TPCN1: variants seen among roughly 807,000 people sequenced by gnomAD.
TPCN1 encodes two pore segment channel 1.
Under a neutral mutation model 108.8 loss-of-function variants are expected in TPCN1, and 52 were observed. The observed-to-expected ratio is 0.48, with a 90% CI of 0.38 to 0.60. The LOEUF (loss-of-function observed/expected upper bound fraction) is 0.60, where lower values mean the gene tolerates loss of function less well. Ranked by LOEUF, TPCN1 falls within the 20% of genes least tolerant of loss-of-function variation. The pLI is 0.00. For synonymous variants in TPCN1, 446 were observed against 433.7 expected (o/e 1.03, Z -0.35); for missense variants, 806 against 1,072.8 (o/e 0.75, Z 3.47).
chr12:113,277,447 G>C lies in TPCN1; in HGVS notation c.1184+83G>C, dbSNP rs140709873. 71 of 1,559,502 alleles carry C rather than the reference G, an allele frequency of 4.6e-5. No individual in the cohort carries two copies. The East Asian group carries it at 1.6e-3, about 36-fold the overall frequency. On this transcript the variant is annotated intron_variant, in intron 12 of 27. Transcript: ENST00000335509. ...TGAACGGGGGCATGTGAAGGCCCTT[G>C]AGGTGGGCAGGCCTATAGGCTTGTC...
intron 1 of TPCN1, chr12:113,225,290 C>T (rs1953428791): frequency 2.2e-6 from 1 of 450,746 alleles, no homozygotes; most frequent in Non-Finnish European, 4.5e-6. Context: ...AACTGCTAGG[C>T]TCAAGCAGTT....
rs7135901 is a variant in TPCN1 at position 113,268,157 on chromosome 12, T to G, written c.528+201T>G. On this transcript the variant is annotated intron_variant, in intron 5 of 27. Transcript: ENST00000335509. The surrounding 1 kb of genome is among the most constrained non-coding windows in gnomAD (Gnocchi z 7.3). Reference sequence around the variant, plus strand: ...TGATGCCAGCAGTAGCTAATGTGATTGGGTGTTTGGTACCTGCCAGGCACT... The same window carrying G: ...TGATGCCAGCAGTAGCTAATGTGATGGGGTGTTTGGTACCTGCCAGGCACT... Among the ~76,000 whole-genome samples the G allele has an allele frequency of 0.11, 16,557 of 152,206 alleles. 1,060 individuals carry two copies. The highest frequency in any genetic ancestry group is 0.21 in the East Asian group (1,064 of 5,160).
intron 2 of TPCN1, chr12:113,244,230 C>G (rs184562033): frequency 9.7e-6 from 8 of 827,078 alleles, no homozygotes; most frequent in Admixed American, 1.2e-4. Context: ...GGGCTTGACC[C>G]GTGGTACTGC....
At chr12:113,239,803 A>G (rs577613453) in intron 2 of TPCN1, among the ~76,000 whole-genome samples, 5 of 152,132 alleles carry the variant, frequency 3.3e-5, no homozygotes, top group African/African-American at 1.2e-4. Flanking sequence ...CCGCCCTACC[A>G]TTTGTAGACT....
At chr12:113,224,927 C>T (rs534621995) in intron 1 of TPCN1, among the ~76,000 whole-genome samples, 1 of 151,818 alleles carries the variant, frequency 6.6e-6, no homozygotes, top group South Asian at 2.1e-4. Flanking sequence ...ATTTTTGTAT[C>T]TTTAATAGAG....
rs1046455427 is a variant in TPCN1 at position 113,252,397 on chromosome 12, C to T, written c.113-7971C>T. Among the ~76,000 whole-genome samples the T allele has an allele frequency of 6.6e-5, 10 of 152,250 alleles. No homozygotes were observed. The East Asian group carries it at 7.7e-4, about 12-fold the overall frequency. ...CCAGACGTTGTCTCCCCACCAGGAACGGGCTGAGAGAGCCTCCTGAGCACA... is the reference window on the plus strand; with the variant it reads ...CCAGACGTTGTCTCCCCACCAGGAATGGGCTGAGAGAGCCTCCTGAGCACA... On this transcript the variant is annotated intron_variant, in intron 2 of 27. Transcript: ENST00000335509.
In TPCN1 at chr12:113,243,775, AAAAAT is replaced by A. The variant is rs1278291844; in HGVS notation, c.113-16583_113-16579del. 5.9e-5 allele frequency among the ~76,000 whole-genome samples: 8 copies of A among 135,006 alleles called. No individual in the cohort carries two copies. The East Asian group carries it at 8.7e-4, about 15-fold the overall frequency. The allele number at this position is 135,006 out of a possible 152,430, so 88.6% of individuals were successfully genotyped here. A position where few individuals can be genotyped will look rare whatever the true frequency, so the allele number is the denominator to read the frequency against. On this transcript the variant is annotated intron_variant, in intron 2 of 27. Coordinates refer to ENST00000335509, the MANE Select transcript of TPCN1 (RefSeq NM_017901.6). ...ATCTCAAAAATAAATAAATAAAAATAAAAATAAAATAAAAAAAGTTTAGAAAGGTG... is the reference window on the plus strand; with the variant it reads ...ATCTCAAAAATAAATAAATAAAAATAAAAATAAAAAAAGTTTAGAAAGGTG...
At chr12:113,278,886 T>C in intron 14 of TPCN1, 51 bp downstream of exon 14, 1 of 1,546,790 alleles carries the variant, frequency 6.5e-7, no homozygotes, top group Non-Finnish European at 8.9e-7. Flanking sequence ...CCGATGGAGG[T>C]TTTCAGAGAC....
At chr12:113,279,357 GTGTATATATATATATATATATATATA>G (rs1955791896) in intron 14 of TPCN1, among the ~76,000 whole-genome samples, 1 of 66,044 alleles carries the variant, frequency 1.5e-5, no homozygotes, top group African/African-American at 7.1e-5. Flanking sequence ...GTGTGTGTGT[GTGTATATATATATATATATATATATA>G]TATATATATT....
chr12:113,260,402 C>G lies in TPCN1; in HGVS notation c.147C>G (p.Ala49=), dbSNP rs1283862543. ...GGSYAIHDSQ[A]PSLSSGGESS... ...GCTATGCCATCCACGACTCCCAGGC[C>G]CCCAGTCTCAGCTCTGGGGGTGAGA... Residue 49 remains alanine, a synonymous_variant, in exon 3 of 28, where the codon GCC becomes GCG. Coordinates refer to ENST00000335509, the MANE Select transcript of TPCN1 (RefSeq NM_017901.6). The G allele has an allele frequency of 2.6e-6, 4 of 1,522,636 alleles. No individual in the cohort carries two copies. The highest frequency in any genetic ancestry group is 3.5e-6 in the Non-Finnish European group (4 of 1,140,932). The allele number at this position is 1,522,636 out of a possible 1,614,324, so 94.3% of individuals were successfully genotyped here. A position where few individuals can be genotyped will look rare whatever the true frequency, so the allele number is the denominator to read the frequency against.
chr12:113,223,210 G>A (rs1213092267), intron 1 of TPCN1, among the ~76,000 whole-genome samples: 2 of 152,214 alleles, frequency 1.3e-5, no homozygotes, highest in Non-Finnish European at 2.9e-5. Flanking sequence ...CAAGTAGAAT[G>A]ATGTTTACTT....
At chr12:113,282,638 C>T (rs1955927444) in intron 15 of TPCN1, among the ~76,000 whole-genome samples, 3 of 151,436 alleles carry the variant, frequency 2.0e-5, no homozygotes, top group South Asian at 2.1e-4. Flanking sequence ...CACCTGTAGT[C>T]CCAGCTACTT....
At chr12:113,274,532 T>A (rs1434846621) in intron 10 of TPCN1, among the ~76,000 whole-genome samples, 1 of 152,136 alleles carries the variant, frequency 6.6e-6, no homozygotes, top group East Asian at 1.9e-4. Flanking sequence ...GATACAACCA[T>A]CCTTTTCTTT....
At chr12:113,247,676 G>A (rs578018588) in intron 2 of TPCN1, among the ~76,000 whole-genome samples, 6 of 152,244 alleles carry the variant, frequency 3.9e-5, no homozygotes, top group Non-Finnish European at 5.9e-5. Flanking sequence ...GGAACAGAAT[G>A]GAACTGTGGC....
At position 113,222,495 on chromosome 12, in the gene TPCN1, C is replaced by T. The variant is rs143178513; in HGVS notation, c.-126+869C>T. 2.2e-3 allele frequency among the ~76,000 whole-genome samples: 330 copies of T among 152,284 alleles called. 5 individuals carry two copies. The highest frequency in any genetic ancestry group is 7.0e-3 in the African/African-American group (292 of 41,562). ...CCTGGACTCCACCCACCAGCAATCC[C>T]CCCACTCCCAAGTTGTGACAGTCAA... On this transcript the variant is annotated intron_variant, in intron 1 of 27. Transcript: ENST00000335509.
intron 15 of TPCN1, among the ~76,000 whole-genome samples, chr12:113,282,668 A>C (rs552125591): frequency 6.6e-6 from 1 of 151,784 alleles, no homozygotes; most frequent in Non-Finnish European, 1.5e-5. Context: ...AGGTGGGAGG[A>C]TCACCTGAGC....
intron 24 of TPCN1, 24 bp downstream of exon 24, chr12:113,291,701 T>A (rs1172638739): frequency 3.1e-6 from 5 of 1,610,512 alleles, no homozygotes; most frequent in Non-Finnish European, 4.2e-6. Flanking sequence ...CACAGAACGC[T>A]CTTTGTCCTT....
intron 18 of TPCN1, 49 bp downstream of exon 18, chr12:113,286,010 GC>G: frequency 6.6e-7 from 1 of 1,517,236 alleles, no homozygotes; most frequent in Non-Finnish European, 9.2e-7. Flanking sequence ...CTTGAGGATG[GC>G]CCCAGACCCT....
chr12:113,288,153 C>G lies in TPCN1; in HGVS notation c.1635-10C>G. On this transcript the variant is annotated splice_polypyrimidine_tract_variant and intron_variant, in intron 19 of 27. Transcript: ENST00000335509. This position sits in a 1 kb window ranked among gnomAD's most constrained non-coding sequence, Gnocchi z 4.8. ...TGTGTGTGGAGGTGACGGGTGTCCT[C>G]CTCGCTCAGGTTGTTTAAGTTGAAG... 1 of 1,611,014 alleles carries G rather than the reference C, an allele frequency of 6.2e-7. No homozygotes were observed. The highest frequency in any genetic ancestry group is 2.2e-5 in the East Asian group (1 of 44,836).
Sources: allele counts gnomAD v4.1 joint callset (sites outside exome capture counted in the v4.1 genomes callset), GRCh38; gene constraint gnomAD v4.1.1; non-coding constraint Gnocchi (gnomAD v3.1); transcripts MANE v1.5; gene names NCBI Gene and HGNC (gene_info 2026-07-23, HGNC 2026-07-21).